MYO5A: variants seen among roughly 807,000 people sequenced by gnomAD.
MYO5A encodes the protein unconventional myosin-Va.
Under a neutral mutation model 249.7 loss-of-function variants are expected in MYO5A, and 98 were observed. That is an observed-to-expected ratio of 0.39 (90% CI 0.33 to 0.46). The LOEUF is 0.46. Among genes scored for constraint, MYO5A ranks in the 20% least tolerant of loss-of-function variants. The probability of loss-of-function intolerance (pLI) is 0.98; values close to 1 mark genes in which losing one functional copy is unlikely to be tolerated. For synonymous variants in MYO5A, 778 were observed against 810.6 expected, an observed-to-expected ratio of 0.96 and a Z score of 0.68; for missense variants, 1,696 against 2,308.8, an observed-to-expected ratio of 0.73 and a Z score of 5.44.
chr15:52,412,035 T>G (rs1391553986), intron 5 of MYO5A, among the ~76,000 whole-genome samples: 1 of 152,250 alleles, frequency 6.6e-6, no homozygotes, highest in African/African-American at 2.4e-5. Context: ...GGTCTCACTA[T>G]TTTATTTAGA....
chr15:52,455,979 G>A (rs912526802), intron 1 of MYO5A, among the ~76,000 whole-genome samples: 3 of 151,970 alleles, frequency 2.0e-5, no homozygotes, highest in African/African-American at 7.2e-5. Flanking sequence ...TCAGATAAGA[G>A]AAAGAAAAGA....
intron 36 of MYO5A, among the ~76,000 whole-genome samples, chr15:52,326,048 A>G (rs755713771): frequency 1.3e-5 from 2 of 152,236 alleles, no homozygotes; most frequent in Admixed American, 6.5e-5. Context: ...GATTCTCTGC[A>G]TATCTTTGGC....
chr15:52,464,997 C>G (rs1272634484), intron 1 of MYO5A, among the ~76,000 whole-genome samples: 1 of 152,178 alleles, frequency 6.6e-6, no homozygotes, highest in Non-Finnish European at 1.5e-5. Flanking sequence ...ATTGGCCACA[C>G]TGGGAGTCAG....
intron 23 of MYO5A, 38 bp from the exon 24 acceptor site, chr15:52,364,740 C>T (rs757161946): frequency 1.2e-6 from 2 of 1,608,994 alleles, no homozygotes; most frequent in African/African-American, 1.3e-5. Flanking sequence ...TAAAGATGGC[C>T]CCTTGAGAAT....
In MYO5A at chr15:52,340,334, G is replaced by C. The variant is rs983620683; in HGVS notation, c.4101C>G (p.Leu1367=). The change falls in exon 32 of 42, where the codon CTC becomes CTG. Residue 1367 remains leucine, a synonymous_variant. Transcript: ENST00000399233. ...CCTTCAGGCTCTGGATCTCCCCACG[G>C]AGGGCCTCGGCCTCATTCTCATGGC... ...KRSHENEAEA[L]RGEIQSLKEE... 5 of 1,613,830 alleles carry C rather than the reference G, an allele frequency of 3.1e-6. No individual in the cohort carries two copies. Among genetic ancestry groups the C allele is most frequent in the African/African-American group, 2.7e-5 (2 of 74,898 alleles).
At chr15:52,403,301 A>G (rs2042842081) in intron 9 of MYO5A, among the ~76,000 whole-genome samples, 1 of 152,232 alleles carries the variant, frequency 6.6e-6, no homozygotes, top group Non-Finnish European at 1.5e-5. Context: ...AACAGCCAAA[A>G]GGTGAAACAA....
At chr15:52,478,621 G>A (rs72623985) in intron 1 of MYO5A, among the ~76,000 whole-genome samples, 22,454 of 152,154 alleles carry the variant, frequency 0.15, 1,786 homozygotes, top group Middle Eastern at 0.22. Flanking sequence ...TCCTTTGCTG[G>A]CATTAAGTTC....
chr15:52,425,147 T>C (rs1278094270), intron 4 of MYO5A, among the ~76,000 whole-genome samples: 6 of 152,236 alleles, frequency 3.9e-5, no homozygotes. Context: ...CAGAAAGATT[T>C]TTTTTACAGC....
chr15:52,524,382 T>C (rs1014440092), intron 1 of MYO5A, among the ~76,000 whole-genome samples: 51 of 151,972 alleles, frequency 3.4e-4, no homozygotes, highest in Admixed American at 2.4e-3. Context: ...AGCAAGATCC[T>C]GTCTCTGTAA....
chr15:52,506,985 G>A (rs985410782), intron 1 of MYO5A, among the ~76,000 whole-genome samples: 1 of 152,204 alleles, frequency 6.6e-6, no homozygotes, highest in Admixed American at 6.5e-5. Context: ...AAGAAAGAGA[G>A]TATATATACA....
chr15:52,528,545 G>T (rs1487382981), intron 1 of MYO5A, among the ~76,000 whole-genome samples: 9 of 152,224 alleles, frequency 5.9e-5, no homozygotes, highest in African/African-American at 2.4e-5. Context: ...AGCGCGGCAG[G>T]GGCCTGGGAG....
rs1596366411 is a variant in MYO5A, at chr15:52,375,392, A to G, written c.2489T>C (p.Val830Ala). 6.2e-7 allele frequency: 1 copy of G among 1,614,160 alleles called. No homozygotes were observed. The highest frequency in any genetic ancestry group is 8.5e-7 in the Non-Finnish European group (1 of 1,180,022). The change falls in exon 20 of 42, where the codon GTC (valine) becomes GCC (alanine). Residue 830 changes from valine to alanine, a missense_variant. This residue lies in a region of MYO5A where 412 missense variants were observed against 453.3 expected (regional missense o/e 0.91). Transcript: ENST00000399233. ...IIQKYWRMYV[V>A]RRRYKIRRAA... is the part of the protein sequence containing the mutation. Reference sequence around the variant, plus strand: ...TCGTCTAATCTTGTACCTCCTGCGGACCACATACATGCGCCAGTACTTTTG... The same window carrying G: ...TCGTCTAATCTTGTACCTCCTGCGGGCCACATACATGCGCCAGTACTTTTG...
intron 1 of MYO5A, among the ~76,000 whole-genome samples, chr15:52,477,980 CT>C (rs1294309793): frequency 6.6e-6 from 1 of 152,184 alleles, no homozygotes; most frequent in Non-Finnish European, 1.5e-5. Context: ...TTTCTGCTGC[CT>C]TTTGTTCAGC....
In MYO5A at chr15:52,310,421, G is replaced by C. The variant is rs2037738819; in HGVS notation, c.*3275C>G. On this transcript the variant is annotated 3_prime_UTR_variant, in exon 42 of 42. Transcript: ENST00000399233. Reference sequence around the variant, plus strand: ...GAGTCTGCATGTAGTAAGGTGAATGGGGAGGGGATTATTAAGATAAAGAAC... The same window carrying C: ...GAGTCTGCATGTAGTAAGGTGAATGCGGAGGGGATTATTAAGATAAAGAAC... The C allele has an allele frequency of 6.6e-6, 1 of 152,214 alleles. No individual in the cohort carries two copies. The highest frequency in any genetic ancestry group is 1.5e-5 in the Non-Finnish European group (1 of 68,042). 9.4% of individuals were successfully genotyped at this position (152,214 alleles called of 1,614,324 possible).
chr15:52,499,459 C>T (rs1159356012), intron 1 of MYO5A, among the ~76,000 whole-genome samples: 2 of 152,118 alleles, frequency 1.3e-5, no homozygotes, highest in Admixed American at 6.6e-5. Context: ...CTTCCAAAAC[C>T]GAAACTCCAT....
Position 52,372,229 on chromosome 15 carries a change from C to G in MYO5A, c.2712G>C (p.Glu904Asp). Residue 904 changes from glutamate to aspartate, a missense_variant, in exon 21 of 42, where the codon GAG (glutamate) becomes GAC (aspartate). Physicochemically the swap from Glu to Asp is conservative, Grantham distance 45. Transcript: ENST00000399233. ...GAGCCTCGATTTTGAGCTTCTTTAG[C>G]TCACGCTTGGCCATCATCCGCCTGA... ...CCFRRMMAKR[E>D]LKKLKIEARS... 6.2e-7 allele frequency: 1 copy of G among 1,613,398 alleles called. No homozygotes were observed. Among genetic ancestry groups the G allele is most frequent in the Non-Finnish European group, 8.5e-7 (1 of 1,180,028 alleles).
chr15:52,382,527 C>T (rs774682365), intron 16 of MYO5A, among the ~76,000 whole-genome samples: 26 of 152,118 alleles, frequency 1.7e-4, no homozygotes, highest in African/African-American at 6.0e-4. Context: ...GCCGAGATCG[C>T]GTTATTGCAC....
intron 12 of MYO5A, 151 bp downstream of exon 12, chr15:52,391,779 C>CT: frequency 1.4e-6 from 1 of 715,794 alleles, no homozygotes. Context: ...CCCTTGGGGT[C>CT]TAGTGTCCCT....
Position 52,488,197 on chromosome 15 carries a change from GAGA to G in MYO5A, c.27+40580_27+40582del, listed in dbSNP as rs528600949. On this transcript the variant is annotated intron_variant, in intron 1 of 41. Coordinates refer to ENST00000399233, the MANE Select transcript of MYO5A (RefSeq NM_001382347.1). Reference sequence around the variant, plus strand: ...AGTATTCACCAGGACTCAAAAGACAGAGAAGGATTAAAAAAAAAAAAAGACAGA... The same window carrying G: ...AGTATTCACCAGGACTCAAAAGACAGAGGATTAAAAAAAAAAAAAGACAGA... 6.0e-4 allele frequency among the ~76,000 whole-genome samples: 66 copies of G among 110,374 alleles called. 1 individual carries two copies. The East Asian group carries it at 0.01, about 17-fold the overall frequency. The allele number at this position is 110,374 out of a possible 152,430, so 72.4% of individuals were successfully genotyped here.
Sources: gnomAD v4.1 joint callset for allele counts (sites outside exome capture counted in the v4.1 genomes callset) on GRCh38, gnomAD v4.1.1 for gene constraint, gnomAD v4.1.1 regional missense constraint, MANE v1.5 for transcripts, NCBI Gene and HGNC (gene_info 2026-07-23, HGNC 2026-07-21) for gene names.